ADGRB3: variants seen among roughly 807,000 people sequenced by gnomAD.
ADGRB3 encodes the protein brain-specific angiogenesis inhibitor 3.
In ADGRB3, 37 loss-of-function variants were observed where a neutral mutation model predicts 193.4. That is an observed-to-expected ratio of 0.19 (90% CI 0.15 to 0.25). The LOEUF is 0.25. Among genes scored for constraint, ADGRB3 ranks in the 10% least tolerant of loss-of-function variants. The pLI, the probability that ADGRB3 is intolerant of heterozygous loss-of-function variation, is 1.00. For missense variants in ADGRB3, 1,637 were observed against 1,852.9 expected, an observed-to-expected ratio of 0.88 and a Z score of 2.14; for synonymous variants, 690 against 644.2, an observed-to-expected ratio of 1.07 and a Z score of -1.08.
At chr6:68,659,917 T>G (rs1768585061) in intron 3 of ADGRB3, among the ~76,000 whole-genome samples, 1 of 151,060 alleles carries the variant, frequency 6.6e-6, no homozygotes, top group Non-Finnish European at 1.5e-5. Context: ...TGCTTTCTTT[T>G]GCCATAGTGA....
rs187283487 is a variant in ADGRB3 at position 69,025,912 on chromosome 6, C to T, written c.2107+7413C>T. The stretch of plus-strand genomic sequence containing the variant: ...ACATTGTGAAAGGCTATATCAGACC[C>T]TGTTAGGAGCAAACAAGACAAACTG... On this transcript the variant is annotated intron_variant, in intron 13 of 31. Coordinates refer to ENST00000370598, the MANE Select transcript of ADGRB3 (RefSeq NM_001704.3). 1.9e-3 allele frequency among the ~76,000 whole-genome samples: 283 copies of T among 152,250 alleles called. 4 individuals are homozygous for T. Among genetic ancestry groups the T allele is most frequent in the Admixed American group, 5.0e-3 (77 of 15,300 alleles).
chr6:69,211,253 G>C (rs909322587), intron 17 of ADGRB3, among the ~76,000 whole-genome samples: 1 of 152,156 alleles, frequency 6.6e-6, no homozygotes. Flanking sequence ...ACCTATAGCT[G>C]GGTCAGTCAT....
At chr6:68,768,568 G>A (rs1766556326) in intron 3 of ADGRB3, among the ~76,000 whole-genome samples, 1 of 152,086 alleles carries the variant, frequency 6.6e-6, no homozygotes, top group Non-Finnish European at 1.5e-5. Context: ...GTAAATGCAA[G>A]ACCTAAAATC....
At chr6:68,901,520 T>C (rs745842200) in intron 3 of ADGRB3, among the ~76,000 whole-genome samples, 5 of 152,184 alleles carry the variant, frequency 3.3e-5, no homozygotes, top group Non-Finnish European at 5.9e-5. Context: ...AGGGTGTGAA[T>C]GTCAGGATGT....
intron 3 of ADGRB3, among the ~76,000 whole-genome samples, chr6:68,683,714 A>G (rs1011149863): frequency 1.3e-5 from 2 of 152,170 alleles, no homozygotes; most frequent in Non-Finnish European, 2.9e-5. Flanking sequence ...TGTAGGACTA[A>G]TGGAAGATTG....
At chr6:68,803,740 C>T (rs1038937044) in intron 3 of ADGRB3, among the ~76,000 whole-genome samples, 6 of 152,144 alleles carry the variant, frequency 3.9e-5, no homozygotes, top group East Asian at 1.9e-4. Flanking sequence ...ATTATCTAAA[C>T]AAATCTGTGG....
At chr6:68,734,305 G>T in intron 3 of ADGRB3, among the ~76,000 whole-genome samples, 2 of 152,058 alleles carry the variant, frequency 1.3e-5, no homozygotes, top group South Asian at 4.1e-4. Flanking sequence ...CATCTCCCTT[G>T]CCTCTCCCAG....
chr6:69,186,545 A>G (rs1765073892), intron 17 of ADGRB3, among the ~76,000 whole-genome samples: 1 of 152,120 alleles, frequency 6.6e-6, no homozygotes, highest in Non-Finnish European at 1.5e-5. Flanking sequence ...AGTACCTGAA[A>G]AAAGAAAAAA....
chr6:68,699,524 T>C (rs1343389359), intron 3 of ADGRB3, among the ~76,000 whole-genome samples: 1 of 151,948 alleles, frequency 6.6e-6, no homozygotes, highest in Admixed American at 6.6e-5. Context: ...GTAATAGTTG[T>C]TGGTACTTGA....
intron 3 of ADGRB3, among the ~76,000 whole-genome samples, chr6:68,733,576 C>G (rs1300462066): frequency 6.6e-6 from 1 of 151,668 alleles, no homozygotes; most frequent in Non-Finnish European, 1.5e-5. Context: ...GCCCAAACCT[C>G]AACATTAGAC....
At chr6:69,330,096 G>A (rs531899308) in intron 22 of ADGRB3, among the ~76,000 whole-genome samples, 2 of 151,856 alleles carry the variant, frequency 1.3e-5, no homozygotes, top group Non-Finnish European at 2.9e-5. Context: ...TAAATGGCAC[G>A]TCTAAAACTC....
chr6:69,228,872 T>G (rs1766076657), intron 17 of ADGRB3, among the ~76,000 whole-genome samples: 2 of 150,770 alleles, frequency 1.3e-5, no homozygotes, highest in Non-Finnish European at 3.0e-5. Flanking sequence ...AACAAGTTTC[T>G]AAATTCACTA....
chr6:69,080,247 T>C (rs549877895), intron 17 of ADGRB3, among the ~76,000 whole-genome samples: 4 of 152,178 alleles, frequency 2.6e-5, no homozygotes, highest in African/African-American at 7.2e-5. Context: ...CTGTGAATGA[T>C]TGATATATCT....
intron 17 of ADGRB3, among the ~76,000 whole-genome samples, chr6:69,188,314 T>C (rs2150353866): frequency 6.6e-6 from 1 of 152,298 alleles, no homozygotes; most frequent in South Asian, 2.1e-4. Context: ...AATTTCTTTT[T>C]TTTCTTTTTT....
intron 3 of ADGRB3, among the ~76,000 whole-genome samples, chr6:68,874,491 T>C (rs776913914): frequency 3.3e-5 from 5 of 152,156 alleles, no homozygotes; most frequent in Non-Finnish European, 5.9e-5. Context: ...TAGAAGTTAA[T>C]AATAAATAAA....
chr6:69,255,867 A>G (rs1390400911), intron 20 of ADGRB3, among the ~76,000 whole-genome samples: 1 of 152,124 alleles, frequency 6.6e-6, no homozygotes, highest in African/African-American at 2.4e-5. Flanking sequence ...TCCATCTTGA[A>G]TTAATTTTTG....
At chr6:68,784,981 A>C (rs1018277811) in intron 3 of ADGRB3, among the ~76,000 whole-genome samples, 4 of 152,106 alleles carry the variant, frequency 2.6e-5, no homozygotes, top group African/African-American at 9.7e-5. Context: ...GTTTAGGTGA[A>C]TAAAAACAAG....
chr6:69,262,042 A>G (rs1766941451), intron 20 of ADGRB3, among the ~76,000 whole-genome samples: 1 of 151,994 alleles, frequency 6.6e-6, no homozygotes, highest in African/African-American at 2.4e-5. Flanking sequence ...ATGTTTTTGG[A>G]GAGAAAGGCA....
At chr6:68,885,436 A>G (rs1033689334) in intron 3 of ADGRB3, among the ~76,000 whole-genome samples, 1 of 152,214 alleles carries the variant, frequency 6.6e-6, no homozygotes, top group African/African-American at 2.4e-5. Flanking sequence ...GGAATGATTA[A>G]GTCAAACTAA....
Sources: allele counts gnomAD v4.1 joint callset (sites outside exome capture counted in the v4.1 genomes callset), GRCh38; gene constraint gnomAD v4.1.1; transcripts MANE v1.5; gene names NCBI Gene and HGNC (gene_info 2026-07-23, HGNC 2026-07-21).